Variants in ZFAND3 observed in about 807,000 individuals in gnomAD.
ZFAND3 encodes AN1-type zinc finger protein 3.
In ZFAND3, 10 loss-of-function variants were observed where a neutral mutation model predicts 29.6. The ratio of observed to expected loss-of-function variants is 0.34; its 90% CI spans 0.21 to 0.57. The LOEUF (loss-of-function observed/expected upper bound fraction) is 0.57. ZFAND3 is among the 20% of genes least tolerant of loss of function. The pLI is 0.86. For synonymous variants in ZFAND3, 128 were observed against 112.6 expected, an observed-to-expected ratio of 1.14 and a Z score of -0.87; for missense variants, 230 against 304.5, an observed-to-expected ratio of 0.76 and a Z score of 1.82.
chr6:38,035,256 G>A (rs956021994), intron 2 of ZFAND3, among the ~76,000 whole-genome samples: 3 of 151,954 alleles, frequency 2.0e-5, no homozygotes, highest in South Asian at 2.1e-4. Context: ...GTGACATCCC[G>A]AATCTTCTAT....
chr6:38,053,304 A>ATTT (rs60101357), intron 2 of ZFAND3, among the ~76,000 whole-genome samples: 30 of 145,190 alleles, frequency 2.1e-4, no homozygotes, highest in Non-Finnish European at 3.0e-4. Context: ...TTTTCTTACA[A>ATTT]TTTTTTTTTT....
rs559941843 is a variant in ZFAND3, at chr6:37,917,785, C to T, written c.72-12174C>T. Among the ~76,000 whole-genome samples the T allele has an allele frequency of 4.9e-4, 74 of 152,154 alleles. 1 individual carries two copies. Among genetic ancestry groups the T allele is most frequent in the Admixed American group, 4.6e-3 (70 of 15,272 alleles). On this transcript the variant is annotated intron_variant, in intron 1 of 5. Coordinates refer to ENST00000287218, the MANE Select transcript of ZFAND3 (RefSeq NM_021943.3). The stretch of plus-strand genomic sequence containing the variant: ...TCAACCATTCCTTATCTAGTTTCGT[C>T]GTAGGTGTGGTATCCTGACTCTTTC...
chr6:37,935,753 A>C (rs1004889678), intron 2 of ZFAND3, among the ~76,000 whole-genome samples: 1 of 152,186 alleles, frequency 6.6e-6, no homozygotes, highest in Admixed American at 6.5e-5. Context: ...AAAATCTTGG[A>C]ATCTAATTTG....
chr6:38,039,293 C>T (rs1763716548), intron 2 of ZFAND3, among the ~76,000 whole-genome samples: 1 of 152,134 alleles, frequency 6.6e-6, no homozygotes, highest in Admixed American at 6.5e-5. Context: ...TATAGAATCT[C>T]AGTGTTTTGT....
chr6:38,134,337 T>C (rs996111341), intron 5 of ZFAND3, among the ~76,000 whole-genome samples: 1 of 152,244 alleles, frequency 6.6e-6, no homozygotes, highest in African/African-American at 2.4e-5. Context: ...TGCTCCCGAT[T>C]TATTACACAT....
chr6:38,093,618 C>G (rs1194887513), intron 4 of ZFAND3, among the ~76,000 whole-genome samples: 1 of 152,042 alleles, frequency 6.6e-6, no homozygotes, highest in Non-Finnish European at 1.5e-5. Flanking sequence ...ATGAAAGATG[C>G]ATGAGAAGAG....
At chr6:37,856,002 T>C (rs955533940) in intron 1 of ZFAND3, among the ~76,000 whole-genome samples, 15 of 151,922 alleles carry the variant, frequency 9.9e-5, no homozygotes, top group Non-Finnish European at 2.2e-4. Flanking sequence ...ACCTTGGTGG[T>C]AGTTCTGGTT....
chr6:37,996,061 G>A (rs981017042), intron 2 of ZFAND3, among the ~76,000 whole-genome samples: 2 of 149,316 alleles, frequency 1.3e-5, no homozygotes, highest in East Asian at 2.0e-4. Context: ...CCTGGGAGGC[G>A]TAGGTTGCAG....
At chr6:38,044,716 TACAG>T (rs1452785897) in intron 2 of ZFAND3, among the ~76,000 whole-genome samples, 1 of 152,226 alleles carries the variant, frequency 6.6e-6, no homozygotes, top group Non-Finnish European at 1.5e-5. Flanking sequence ...GTTTTTCACA[TACAG>T]AGCTAAGCGA....
chr6:38,030,063 T>G (rs1329316411), intron 2 of ZFAND3, among the ~76,000 whole-genome samples: 4 of 19,866 alleles, frequency 2.0e-4, no homozygotes, highest in Admixed American at 1.1e-3. Flanking sequence ...TATATATATA[T>G]ATATATATAT....
intron 1 of ZFAND3, among the ~76,000 whole-genome samples, chr6:37,881,001 T>TA (rs1225483295): frequency 2.3e-5 from 3 of 131,226 alleles, no homozygotes; most frequent in African/African-American, 7.1e-5. Context: ...CCCTAAAACT[T>TA]AGAGTATAAA....
At chr6:37,827,878 T>C (rs2127366254) in intron 1 of ZFAND3, among the ~76,000 whole-genome samples, 1 of 152,320 alleles carries the variant, frequency 6.6e-6, no homozygotes, top group African/African-American at 2.4e-5. Flanking sequence ...TGGCCTTGGA[T>C]GGAAGAGGAG....
intron 1 of ZFAND3, among the ~76,000 whole-genome samples, chr6:37,854,240 T>C (rs997189054): frequency 1.3e-5 from 2 of 152,212 alleles, no homozygotes; most frequent in African/African-American, 2.4e-5. Context: ...CGTGATCCAC[T>C]GCGCCCGGCT....
intron 3 of ZFAND3, among the ~76,000 whole-genome samples, chr6:38,066,729 GA>G (rs1391504356): frequency 6.6e-6 from 1 of 152,148 alleles, no homozygotes; most frequent in Non-Finnish European, 1.5e-5. Flanking sequence ...AAAGTGGTGA[GA>G]GTCTGGGTAC....
Position 37,985,499 on chromosome 6 carries a change from C to CACA in ZFAND3, c.112+55500_112+55501insACA, listed in dbSNP as rs1762651601. 2.8e-5 allele frequency among the ~76,000 whole-genome samples: 4 copies of CACA among 141,702 alleles called. No individual in the cohort carries two copies. In the South Asian group the frequency reaches 6.6e-4, roughly 24 times the overall value. 93.0% of individuals were successfully genotyped at this position (141,702 alleles called of 152,430 possible). ...CGCCTGGTGGCACGTGCTTGTGGTTCCACACACACACACACACACACACAC... is the reference window on the plus strand; with the variant it reads ...CGCCTGGTGGCACGTGCTTGTGGTTCACACACACACACACACACACACACACAC... On this transcript the variant is annotated intron_variant, in intron 2 of 5. Coordinates refer to ENST00000287218, the MANE Select transcript of ZFAND3 (RefSeq NM_021943.3).
chr6:38,030,381 A>G (rs1005497641), intron 2 of ZFAND3, among the ~76,000 whole-genome samples: 1 of 151,878 alleles, frequency 6.6e-6, no homozygotes, highest in African/African-American at 2.4e-5. Context: ...TCTCATTATA[A>G]TTCAGTTTGG....
In ZFAND3 at chr6:37,994,177, A is replaced by C. The variant is rs571492659; in HGVS notation, c.112+64178A>C. 3.9e-5 allele frequency among the ~76,000 whole-genome samples: 6 copies of C among 152,298 alleles called. No homozygotes were observed. In the South Asian group the frequency reaches 1.2e-3, roughly 32 times the overall value. On this transcript the variant is annotated intron_variant, in intron 2 of 5. Coordinates refer to ENST00000287218, the MANE Select transcript of ZFAND3 (RefSeq NM_021943.3). ...CAAAAAATATGATTACTTAACAATT[A>C]TAATGTTATGATCCTGAAGATGATG...
At chr6:38,061,857 A>T (rs995202452) in intron 3 of ZFAND3, 82 bp downstream of exon 3, 13 of 1,466,904 alleles carry the variant, frequency 8.9e-6, no homozygotes, top group Admixed American at 6.9e-5. Flanking sequence ...CTGACCCCAG[A>T]AAAAACAGCA....
intron 5 of ZFAND3, among the ~76,000 whole-genome samples, chr6:38,123,175 T>C: frequency 6.6e-6 from 1 of 152,198 alleles, no homozygotes; most frequent in Non-Finnish European, 1.5e-5. Context: ...GTGAACTGAT[T>C]GAGTCAAAAG....
Sources: gnomAD v4.1 joint callset for allele counts (sites outside exome capture counted in the v4.1 genomes callset) on GRCh38, gnomAD v4.1.1 for gene constraint, MANE v1.5 for transcripts, NCBI Gene and HGNC (gene_info 2026-07-23, HGNC 2026-07-21) for gene names.